The following TENM3 variants were observed in gnomAD, a reference collection of about 807,000 sequenced individuals.
The protein encoded by TENM3 is teneurin-3.
A neutral mutation model predicts 255.1 loss-of-function variants in TENM3; 63 were observed. The ratio of observed to expected loss-of-function variants is 0.25; its 90% confidence interval spans 0.20 to 0.30. The LOEUF is 0.30. Among genes scored for constraint, TENM3 ranks in the 10% least tolerant of loss-of-function variants. TENM3 has a pLI of 1.00. For synonymous variants in TENM3, 1,306 were observed against 1,322.3 expected, an observed-to-expected ratio of 0.99 and a Z score of 0.27; for missense variants, 2,929 against 3,461.1, an observed-to-expected ratio of 0.85 and a Z score of 3.86.
the TENM3 span, among the ~76,000 whole-genome samples, chr4:181,771,667 A>AAAACTTC: frequency 6.6e-6 from 1 of 152,228 alleles, no homozygotes; most frequent in Non-Finnish European, 1.5e-5. Context: ...TAATGCTTCT[A>AAAACTTC]AAACTTCAGT....
chr4:182,776,137 C>T (rs957147929), intron 24 of TENM3, among the ~76,000 whole-genome samples: 5 of 152,070 alleles, frequency 3.3e-5, no homozygotes, highest in East Asian at 1.9e-4. Flanking sequence ...ATAGGCTGGG[C>T]GTTGGTGGTT....
rs377630842 is a variant in TENM3, at chr4:182,627,662, C to CCTGTAT, written c.750-989_750-988insCTGTAT. Among the ~76,000 whole-genome samples the CCTGTAT allele has an allele frequency of 4.1e-4, 62 of 152,252 alleles. 1 individual carries two copies. On this transcript the variant is annotated intron_variant, in intron 4 of 27. Transcript: ENST00000511685. ...ATATACTGTATATTCAGTGGATACT[C>CCTGTAT]ACTGAATATACTGTAAGTAACCAGC...
At chr4:182,210,814 C>T (rs1754979438) in intron 1 of TENM3, among the ~76,000 whole-genome samples, 1 of 152,152 alleles carries the variant, frequency 6.6e-6, no homozygotes, top group African/African-American at 2.4e-5. Flanking sequence ...CAACTCCGCA[C>T]CTAAGCCCCA....
the TENM3 span, among the ~76,000 whole-genome samples, chr4:182,131,495 G>A: frequency 5.9e-5 from 9 of 152,196 alleles, no homozygotes; most frequent in South Asian, 2.1e-4. Flanking sequence ...TGATATTAGC[G>A]TTTTTATCAT....
the TENM3 span, among the ~76,000 whole-genome samples, chr4:182,102,132 T>C: frequency 6.6e-6 from 1 of 152,172 alleles, no homozygotes; most frequent in African/African-American, 2.4e-5. Flanking sequence ...GGTGGGACAC[T>C]GCTGAGGCCT....
At chr4:182,204,781 TA>T (rs1411924374) in intron 1 of TENM3, among the ~76,000 whole-genome samples, 1 of 152,294 alleles carries the variant, frequency 6.6e-6, no homozygotes, top group East Asian at 1.9e-4. Flanking sequence ...AATGCAAATT[TA>T]AAAAAACCCA....
chr4:182,358,359 G>T (rs911629001), intron 3 of TENM3, among the ~76,000 whole-genome samples: 3 of 148,808 alleles, frequency 2.0e-5, no homozygotes, highest in African/African-American at 7.5e-5. Flanking sequence ...AGCATGGAAT[G>T]TTCTTCCATT....
intron 3 of TENM3, among the ~76,000 whole-genome samples, chr4:182,555,050 A>C (rs920968007): frequency 1.3e-5 from 2 of 152,176 alleles, no homozygotes; most frequent in African/African-American, 4.8e-5. Flanking sequence ...AAAAGAAATC[A>C]GTGAACGTGG....
chr4:182,470,357 T>G (rs953742316), intron 3 of TENM3, among the ~76,000 whole-genome samples: 16 of 152,198 alleles, frequency 1.1e-4, no homozygotes, highest in Non-Finnish European at 1.9e-4. Flanking sequence ...ATCCATACAT[T>G]CTATTTAACC....
At chr4:182,628,571 A>G (rs550547308) in intron 4 of TENM3, 80 bp from the exon 5 acceptor site, 2 of 850,528 alleles carry the variant, frequency 2.4e-6, no homozygotes, top group East Asian at 5.3e-5. Flanking sequence ...AAGAGACAGG[A>G]GAGCTAAATG....
chr4:182,310,663 G>T (rs1319752458), intron 1 of TENM3, among the ~76,000 whole-genome samples: 2 of 137,526 alleles, frequency 1.5e-5, no homozygotes, highest in Non-Finnish European at 3.1e-5. Context: ...TCCATGTGGG[G>T]GAAGGGTGTT....
chr4:181,646,526 C>T, the TENM3 span, among the ~76,000 whole-genome samples: 1 of 152,190 alleles, frequency 6.6e-6, no homozygotes, highest in Admixed American at 6.5e-5. Flanking sequence ...GTGAGTTTTA[C>T]TCAGCCCAAA....
chr4:182,376,831 T>C (rs1767209525), intron 3 of TENM3, among the ~76,000 whole-genome samples: 1 of 152,152 alleles, frequency 6.6e-6, no homozygotes, highest in Non-Finnish European at 1.5e-5. Flanking sequence ...TATTACATTA[T>C]GCTGAATAAT....
At chr4:182,225,651 G>C (rs1477947032) in intron 1 of TENM3, among the ~76,000 whole-genome samples, 1 of 152,220 alleles carries the variant, frequency 6.6e-6, no homozygotes, top group Non-Finnish European at 1.5e-5. Context: ...GAGGGAAAGA[G>C]GAACTGCAGA....
the TENM3 span, among the ~76,000 whole-genome samples, chr4:181,683,511 T>TG: frequency 9.5e-4 from 145 of 152,250 alleles, no homozygotes; most frequent in African/African-American, 3.3e-3. Context: ...GTAAGTCTAG[T>TG]GGGGGGGCCA....
At chr4:181,797,755 G>A in the TENM3 span, among the ~76,000 whole-genome samples, 192 of 152,296 alleles carry the variant, frequency 1.3e-3, no homozygotes, top group African/African-American at 4.4e-3. Flanking sequence ...ATGAAAATAC[G>A]TTCTGTTATT....
chr4:182,130,695 T>G, the TENM3 span, among the ~76,000 whole-genome samples: 16 of 151,878 alleles, frequency 1.1e-4, no homozygotes, highest in African/African-American at 3.9e-4. Context: ...ATGCCGTTTT[T>G]TTTTTCATCT....
At chr4:181,752,245 C>T in the TENM3 span, among the ~76,000 whole-genome samples, 2 of 152,160 alleles carry the variant, frequency 1.3e-5, no homozygotes, top group South Asian at 2.1e-4. Flanking sequence ...TGAAATTCCT[C>T]GTTACTACGT....
chr4:181,827,695 C>T, the TENM3 span, among the ~76,000 whole-genome samples: 5 of 152,148 alleles, frequency 3.3e-5, no homozygotes, highest in Non-Finnish European at 7.3e-5. Context: ...CCAGGTTCCA[C>T]GGCTGAGGGA....
Sources: allele counts gnomAD v4.1 joint callset (sites outside exome capture counted in the v4.1 genomes callset), GRCh38; gene constraint gnomAD v4.1.1; transcripts MANE v1.5; gene names NCBI Gene and HGNC (gene_info 2026-07-23, HGNC 2026-07-21).